CACNA1E: variants seen among roughly 807,000 people sequenced by gnomAD.
CACNA1E encodes voltage-dependent R-type calcium channel subunit alpha-1E.
A neutral mutation model predicts 259.2 loss-of-function variants in CACNA1E; 40 were observed. That is an observed-to-expected ratio of 0.15 (90% confidence interval 0.12 to 0.20). The LOEUF (loss-of-function observed/expected upper bound fraction) is 0.20, where lower values mean the gene tolerates loss of function less well. Among genes scored for constraint, CACNA1E ranks in the 10% least tolerant of loss-of-function variants. The pLI is 1.00. For synonymous variants in CACNA1E, 1,104 were observed against 1,138.5 expected (o/e 0.97, Z 0.61); for missense variants, 1,874 against 3,040.1 (o/e 0.62, Z 9.02).
chr1:181,399,529 G>C (rs887045342), intron 1 of CACNA1E, among the ~76,000 whole-genome samples: 1 of 152,238 alleles, frequency 6.6e-6, no homozygotes, highest in Non-Finnish European at 1.5e-5. Flanking sequence ...AGTTGGAATA[G>C]TTGCTTGGGT....
At chr1:181,448,575 G>C (rs1660945553) in intron 2 of CACNA1E, among the ~76,000 whole-genome samples, 1 of 152,188 alleles carries the variant, frequency 6.6e-6, no homozygotes, top group South Asian at 2.1e-4. Flanking sequence ...TAGTCTGTTT[G>C]AAGTCTGAGT....
At chr1:181,361,941 G>A (rs186577625) in intron 1 of CACNA1E, among the ~76,000 whole-genome samples, 72 of 152,282 alleles carry the variant, frequency 4.7e-4, no homozygotes, top group Admixed American at 1.4e-3. Context: ...CATAGTATGT[G>A]GCACATAGCA....
In CACNA1E at chr1:181,718,663, CACA is replaced by C. The variant is rs1558302676; in HGVS notation, c.1638+497_1638+499del. Reference sequence around the variant, plus strand: ...ACACACACACACACACACACACACACACACCCTTATATTAGCAAGTCCTCACAG... The same window carrying C: ...ACACACACACACACACACACACACACCCCTTATATTAGCAAGTCCTCACAG... On this transcript the variant is annotated intron_variant, in intron 12 of 47. Transcript: ENST00000367573. Among the ~76,000 whole-genome samples the C allele has an allele frequency of 2.3e-3, 320 of 141,630 alleles. 1 individual carries two copies. The highest frequency in any genetic ancestry group is 3.6e-3 in the Middle Eastern group (1 of 276). The allele number at this position is 141,630 out of a possible 152,430, so 92.9% of individuals were successfully genotyped here.
chr1:181,511,400 C>A lies in CACNA1E; in HGVS notation c.402C>A (p.Ile134=). 1 of 1,614,020 alleles carries A rather than the reference C, an allele frequency of 6.2e-7. No individual in the cohort carries two copies. Among genetic ancestry groups the A allele is most frequent in the Non-Finnish European group, 8.5e-7 (1 of 1,179,880 alleles). ...AGACAGAACCTTATTTCATTGGGAT[C>A]TTTTGCTTTGAAGCTGGGATCAAAA... ...LEKTEPYFIG[I]FCFEAGIKIV... The change falls in exon 3 of 48, where the codon ATC becomes ATA. Residue 134 remains isoleucine, a synonymous_variant. Transcript: ENST00000367573.
intron 1 of CACNA1E, among the ~76,000 whole-genome samples, chr1:181,330,246 C>T (rs965662345): frequency 1.1e-4 from 17 of 152,240 alleles, no homozygotes; most frequent in African/African-American, 3.9e-4. Context: ...GAAGGCATCC[C>T]GGCACCCTGA....
chr1:181,758,267 C>A lies in CACNA1E; in HGVS notation c.4494+156C>A, dbSNP rs1172083861. Among the ~76,000 whole-genome samples the A allele has an allele frequency of 1.1e-4, 16 of 152,200 alleles. No homozygotes were observed. Among genetic ancestry groups the A allele is most frequent in the Non-Finnish European group, 2.4e-4 (16 of 68,036 alleles). On this transcript the variant is annotated intron_variant, in intron 31 of 47. Coordinates refer to ENST00000367573, the MANE Select transcript of CACNA1E (RefSeq NM_001205293.3). This position sits in a 1 kb window ranked among gnomAD's most constrained non-coding sequence, Gnocchi z 4.2. The stretch of plus-strand genomic sequence containing the variant: ...ATCTTATTTTGTTCAATAACCCAAC[C>A]TCTGGGGCTTTGGGGGTCCACTGAG...
intron 2 of CACNA1E, among the ~76,000 whole-genome samples, chr1:181,464,280 G>T (rs1487590198): frequency 6.6e-6 from 1 of 151,500 alleles, no homozygotes; most frequent in Non-Finnish European, 1.5e-5. Context: ...AATTGAAATG[G>T]AATAAATGGA....
intron 1 of CACNA1E, among the ~76,000 whole-genome samples, chr1:181,359,840 G>A (rs988995523): frequency 1.1e-4 from 16 of 152,192 alleles, no homozygotes; most frequent in Admixed American, 2.0e-4. Context: ...TGCTAGAGAA[G>A]AAACTTAACC....
chr1:181,327,106 G>A (rs1650855846), intron 1 of CACNA1E, among the ~76,000 whole-genome samples: 1 of 152,158 alleles, frequency 6.6e-6, no homozygotes, highest in African/African-American at 2.4e-5. Context: ...TTGATGGCGA[G>A]GATTGTGTCT....
chr1:181,715,471 A>G (rs1653803137), intron 9 of CACNA1E, 80 bp downstream of exon 9: 1 of 745,260 alleles, frequency 1.3e-6, no homozygotes, highest in Non-Finnish European at 2.4e-6. Context: ...TCAAAAGGAG[A>G]GAAAGAAATG....
chr1:181,747,917 A>G (rs1657241110), intron 25 of CACNA1E, among the ~76,000 whole-genome samples: 1 of 152,222 alleles, frequency 6.6e-6, no homozygotes, highest in African/African-American at 2.4e-5. Flanking sequence ...AATGGGGACT[A>G]AAGTGTTGAG....
chr1:181,645,836 T>G (rs1658217455), intron 6 of CACNA1E, among the ~76,000 whole-genome samples: 1 of 152,170 alleles, frequency 6.6e-6, no homozygotes, highest in African/African-American at 2.4e-5. Context: ...CCCATGAATG[T>G]GTTGAATAAA....
intron 1 of CACNA1E, among the ~76,000 whole-genome samples, chr1:181,393,736 G>A (rs1443968208): frequency 1.3e-5 from 2 of 152,230 alleles, no homozygotes; most frequent in Non-Finnish European, 2.9e-5. Context: ...GGGATTACCG[G>A]CGTGTGCCCC....
In CACNA1E at chr1:181,651,346, T is replaced by C; in HGVS notation, c.960T>C (p.Asp320=). Residue 320 remains aspartate, a synonymous_variant, in exon 7 of 48, where the codon GAT becomes GAC. Coordinates refer to ENST00000367573, the MANE Select transcript of CACNA1E (RefSeq NM_001205293.3). Reference sequence around the variant, plus strand: ...ATTTTTCTTTCTTTCAGACCAATGATGCCTTAGGAGCCACCTGGAATTGGC... The same window carrying C: ...ATTTTTCTTTCTTTCAGACCAATGACGCCTTAGGAGCCACCTGGAATTGGC... ...GWTTVLYNTN[D]ALGATWNWLY... 6.2e-7 allele frequency: 1 copy of C among 1,611,430 alleles called. No homozygotes were observed. Among genetic ancestry groups the C allele is most frequent in the Non-Finnish European group, 8.5e-7 (1 of 1,177,632 alleles).
chr1:181,794,956 G>T lies in CACNA1E; in HGVS notation c.6120G>T (p.Glu2040Asp), dbSNP rs368783125. 1.2e-6 allele frequency: 2 copies of T among 1,613,976 alleles called. No homozygotes were observed. Residue 2040 changes from glutamate (E) to aspartate (D), a missense_variant, in exon 46 of 48, where the codon GAG (glutamate) becomes GAT (aspartate). Glu to Asp is a conservative substitution (Grantham distance 45). Transcript: ENST00000367573. ...CGTGGTTGGAGGAATTCTCCATGGA[G>T]CGAAGCAGTGAAAATACCTACAAGT... is the stretch of plus-strand genomic sequence containing the variant. ...NSSWLEEFSMERSSENTYKSR... is the reference protein window; with the variant it reads ...NSSWLEEFSMDRSSENTYKSR...
intron 2 of CACNA1E, among the ~76,000 whole-genome samples, chr1:181,428,533 G>T (rs1326220938): frequency 6.6e-6 from 1 of 152,140 alleles, no homozygotes; most frequent in African/African-American, 2.4e-5. Context: ...CCTGCTGTGG[G>T]GTAGGGGAGA....
chr1:181,577,966 T>G, intron 4 of CACNA1E, 97 bp downstream of exon 4: 3 of 727,614 alleles, frequency 4.1e-6, no homozygotes, highest in Non-Finnish European at 4.7e-6. Flanking sequence ...ACAAACAATA[T>G]TCCTCCTGGG....
intron 3 of CACNA1E, among the ~76,000 whole-genome samples, chr1:181,532,481 A>G (rs1667856846): frequency 1.3e-5 from 2 of 152,242 alleles, no homozygotes; most frequent in Admixed American, 6.5e-5. Context: ...AGCTTGGTGC[A>G]GGGGCTGTGC....
At chr1:181,596,633 C>T (rs2103045294) in intron 6 of CACNA1E, among the ~76,000 whole-genome samples, 1 of 150,318 alleles carries the variant, frequency 6.7e-6, no homozygotes, top group Non-Finnish European at 1.5e-5. Flanking sequence ...CCCTGCAGGC[C>T]CAGGGAGCTC....
Sources: allele counts gnomAD v4.1 joint callset (sites outside exome capture counted in the v4.1 genomes callset), GRCh38; gene constraint gnomAD v4.1.1; non-coding constraint Gnocchi (gnomAD v3.1); transcripts MANE v1.5; gene names NCBI Gene and HGNC (gene_info 2026-07-23, HGNC 2026-07-21).